RABGAP1L: variants seen among roughly 807,000 people sequenced by gnomAD.
RABGAP1L encodes rab GTPase-activating protein 1-like.
RABGAP1L carries 63 observed loss-of-function variants against 137.7 expected under a neutral mutation model. The ratio of observed to expected loss-of-function variants is 0.46; its 90% confidence interval spans 0.37 to 0.56. The LOEUF is 0.56. Ranked by LOEUF, RABGAP1L falls within the 20% of genes least tolerant of loss-of-function variation. The pLI is 0.00. For synonymous variants in RABGAP1L, 431 were observed against 433.7 expected, an observed-to-expected ratio of 0.99 and a Z score of 0.08; for missense variants, 1,095 against 1,244.0, an observed-to-expected ratio of 0.88 and a Z score of 1.80.
chr1:174,740,114 G>A (rs1164870041), intron 17 of RABGAP1L, among the ~76,000 whole-genome samples: 1 of 152,162 alleles, frequency 6.6e-6, no homozygotes, highest in Non-Finnish European at 1.5e-5. Context: ...AGTTGCTCCT[G>A]CTGGTGATTT....
intron 4 of RABGAP1L, among the ~76,000 whole-genome samples, chr1:174,239,647 A>T (rs1387537253): frequency 6.6e-6 from 1 of 151,968 alleles, no homozygotes; most frequent in African/African-American, 2.4e-5. Flanking sequence ...CTTCCTCACT[A>T]GATTATAAGC....
intron 13 of RABGAP1L, among the ~76,000 whole-genome samples, chr1:174,459,159 C>G (rs1410274944): frequency 6.6e-6 from 1 of 151,988 alleles, no homozygotes; most frequent in Admixed American, 6.6e-5. Flanking sequence ...TTTAAAGAGC[C>G]ACAATTTATA....
intron 19 of RABGAP1L, among the ~76,000 whole-genome samples, chr1:174,840,467 G>A (rs959181759): frequency 3.3e-5 from 5 of 152,074 alleles, no homozygotes; most frequent in Non-Finnish European, 1.5e-5. Context: ...TATGGGATAG[G>A]ATTTGTGTAC....
rs751253216 is a variant in RABGAP1L at position 174,702,273 on chromosome 1, C to G, written c.2169+17C>G. On this transcript the variant is annotated intron_variant, in intron 17 of 25. Transcript: ENST00000681986. ...CTTTGTGAGGTAGAGTGACTCCCAT[C>G]TTTCACTAAGCCAAAATAGAAAGTA... 9 of 1,568,082 alleles carry G rather than the reference C, an allele frequency of 5.7e-6. No homozygotes were observed. Among genetic ancestry groups the G allele is most frequent in the Non-Finnish European group, 6.0e-6 (7 of 1,158,530 alleles).
intron 20 of RABGAP1L, among the ~76,000 whole-genome samples, chr1:174,962,198 C>CT (rs1669193168): frequency 8.3e-6 from 1 of 119,866 alleles, no homozygotes; most frequent in Non-Finnish European, 1.7e-5. Context: ...AAAAATACAC[C>CT]CCCCCCCCAC....
intron 4 of RABGAP1L, among the ~76,000 whole-genome samples, chr1:174,241,058 C>T (rs1297216658): frequency 6.6e-6 from 1 of 152,090 alleles, no homozygotes; most frequent in East Asian, 1.9e-4. Context: ...CGGGGGCTCA[C>T]GCCTGTAATC....
At position 174,871,639 on chromosome 1, in the gene RABGAP1L, A is replaced by C. The variant is rs1255147025; in HGVS notation, c.2340+59679A>C. On this transcript the variant is annotated intron_variant, in intron 19 of 25. Transcript: ENST00000681986. Reference sequence around the variant, plus strand: ...TTGAGAGAAATGGGCACTTGCATGAAATCCTATTGCTGTTCCCTAAACCTA... The same window carrying C: ...TTGAGAGAAATGGGCACTTGCATGACATCCTATTGCTGTTCCCTAAACCTA... 2.0e-5 allele frequency among the ~76,000 whole-genome samples: 3 copies of C among 152,180 alleles called. No individual in the cohort carries two copies. The East Asian group carries it at 5.8e-4, about 29-fold the overall frequency.
At chr1:174,673,498 G>C (rs568884926) in intron 14 of RABGAP1L, among the ~76,000 whole-genome samples, 1 of 152,236 alleles carries the variant, frequency 6.6e-6, no homozygotes, top group Non-Finnish European at 1.5e-5. Flanking sequence ...AGGTACCTGA[G>C]ATGAGCTATT....
intron 19 of RABGAP1L, among the ~76,000 whole-genome samples, chr1:174,933,626 A>T (rs1222875436): frequency 6.6e-6 from 1 of 152,188 alleles, no homozygotes; most frequent in Non-Finnish European, 1.5e-5. Context: ...GCTCCATCTC[A>T]GATCTGAATC....
chr1:174,713,957 G>A (rs957424703), intron 17 of RABGAP1L, among the ~76,000 whole-genome samples: 1 of 151,880 alleles, frequency 6.6e-6, no homozygotes, highest in Admixed American at 6.6e-5. Flanking sequence ...ACACATAACC[G>A]ATTACACTCC....
Position 174,993,468 on chromosome 1 carries a change from T to C in RABGAP1L, c.*3467T>C, listed in dbSNP as rs1213717746. ...CCTGCTCCATTTTCTTAAAATATTTTCCAGTTAATAACTAGTTGCTTTATT... is the reference window on the plus strand; with the variant it reads ...CCTGCTCCATTTTCTTAAAATATTTCCCAGTTAATAACTAGTTGCTTTATT... On this transcript the variant is annotated 3_prime_UTR_variant, in exon 26 of 26. Transcript: ENST00000681986. 2 of 152,252 alleles carry C rather than the reference T, an allele frequency of 1.3e-5. No individual in the cohort carries two copies. Among genetic ancestry groups the C allele is most frequent in the Admixed American group, 6.5e-5 (1 of 15,292 alleles). 9.4% of individuals were successfully genotyped at this position (152,252 alleles called of 1,614,324 possible).
At chr1:174,200,770 A>G (rs1244815210) in intron 1 of RABGAP1L, among the ~76,000 whole-genome samples, 1 of 152,170 alleles carries the variant, frequency 6.6e-6, no homozygotes, top group Non-Finnish European at 1.5e-5. Flanking sequence ...CTGCAATATT[A>G]TTTGATACAT....
intron 13 of RABGAP1L, among the ~76,000 whole-genome samples, chr1:174,512,670 CAG>C (rs900597813): frequency 6.6e-6 from 1 of 152,088 alleles, no homozygotes; most frequent in Non-Finnish European, 1.5e-5. Flanking sequence ...ACATGGGTAA[CAG>C]GTCAGACATT....
intron 11 of RABGAP1L, among the ~76,000 whole-genome samples, chr1:174,363,576 G>GC (rs1287248082): frequency 2.6e-5 from 4 of 152,042 alleles, no homozygotes; most frequent in Non-Finnish European, 5.9e-5. Context: ...AGAACTTTCA[G>GC]TACTTTGTTG....
At chr1:174,462,529 A>AT (rs554750931) in intron 13 of RABGAP1L, among the ~76,000 whole-genome samples, 15 of 151,648 alleles carry the variant, frequency 9.9e-5, no homozygotes, top group East Asian at 5.8e-4. Flanking sequence ...TGTGATATAC[A>AT]TTTTTTTTCA....
intron 4 of RABGAP1L, among the ~76,000 whole-genome samples, chr1:174,238,226 G>A (rs895258679): frequency 1.3e-5 from 2 of 151,990 alleles, no homozygotes; most frequent in African/African-American, 4.8e-5. Flanking sequence ...ATGTCCTCCC[G>A]TAGCTCAGAG....
At chr1:174,793,347 A>T (rs1181160840) in intron 18 of RABGAP1L, among the ~76,000 whole-genome samples, 1 of 152,224 alleles carries the variant, frequency 6.6e-6, no homozygotes, top group Non-Finnish European at 1.5e-5. Flanking sequence ...TTTAAAAACA[A>T]AAAACCTTCT....
intron 13 of RABGAP1L, among the ~76,000 whole-genome samples, chr1:174,613,020 T>A (rs1488346727): frequency 4.0e-5 from 6 of 151,696 alleles, no homozygotes; most frequent in Non-Finnish European, 8.8e-5. Flanking sequence ...CCTAGATTCA[T>A]TAATTTTTTG....
intron 17 of RABGAP1L, among the ~76,000 whole-genome samples, chr1:174,739,314 ATTACT>A: frequency 6.6e-6 from 1 of 152,364 alleles, no homozygotes; most frequent in South Asian, 2.1e-4. Flanking sequence ...TGCTAGATAA[ATTACT>A]TAACTGAAAA....
Sources: gnomAD v4.1 joint callset for allele counts (sites outside exome capture counted in the v4.1 genomes callset) on GRCh38, gnomAD v4.1.1 for gene constraint, MANE v1.5 for transcripts, NCBI Gene and HGNC (gene_info 2026-07-23, HGNC 2026-07-21) for gene names.